The following GRK4 variants were observed in gnomAD, a reference collection of about 807,000 sequenced individuals.
The protein encoded by GRK4 is G protein-coupled receptor kinase 2-like.
Under a neutral mutation model 77.9 loss-of-function variants are expected in GRK4, and 73 were observed. The observed-to-expected ratio is 0.94, with a 90% CI of 0.78 to 1.14. The LOEUF (loss-of-function observed/expected upper bound fraction) is 1.14, where lower values mean the gene tolerates loss of function less well. GRK4 is among the 50% of genes most tolerant of loss of function. GRK4 has a pLI of 0.00. For synonymous variants in GRK4, 257 were observed against 254.4 expected, an observed-to-expected ratio of 1.01 and a Z score of -0.10; for missense variants, 729 against 700.2, an observed-to-expected ratio of 1.04 and a Z score of -0.46.
chr4:2,984,709 T>G, intron 2 of GRK4, 101 bp downstream of exon 2: 1 of 535,198 alleles, frequency 1.9e-6, no homozygotes. Context: ...TTCAAACATT[T>G]TATGATAAAT....
chr4:3,000,488 G>C (rs981746405), intron 4 of GRK4, among the ~76,000 whole-genome samples: 1 of 151,942 alleles, frequency 6.6e-6, no homozygotes, highest in Admixed American at 6.6e-5. Flanking sequence ...TCCAGTGCCT[G>C]GAACAATGCA....
At chr4:2,982,986 G>A (rs1305413095) in intron 1 of GRK4, among the ~76,000 whole-genome samples, 6 of 152,236 alleles carry the variant, frequency 3.9e-5, no homozygotes, top group Admixed American at 6.5e-5. Context: ...TGAGTCTAGG[G>A]TGAACATGTT....
intron 1 of GRK4, chr4:2,965,493 TC>T (rs1371895858): frequency 1.4e-6 from 1 of 702,458 alleles, no homozygotes; most frequent in African/African-American, 1.7e-5. Context: ...CGGACTGTGC[TC>T]CAGGACAGTG....
At position 2,985,518 on chromosome 4, in the gene GRK4, C is replaced by T. The variant is rs181450433; in HGVS notation, c.148+910C>T. Among the ~76,000 whole-genome samples, 579 of 149,150 alleles carry T rather than the reference C, an allele frequency of 3.9e-3. 1 individual carries two copies. Among genetic ancestry groups the T allele is most frequent in the Middle Eastern group, 7.0e-3 (2 of 286 alleles). On this transcript the variant is annotated intron_variant, in intron 2 of 15. Coordinates refer to ENST00000398052, the MANE Select transcript of GRK4 (RefSeq NM_182982.3). ...CCCAAGAGGTTGAGTCTAGCCTGGG[C>T]AACATAGTGAGACCTGTCTTGAGAA...
intron 3 of GRK4, among the ~76,000 whole-genome samples, chr4:2,990,161 T>G (rs751040238): frequency 6.6e-5 from 10 of 151,932 alleles, no homozygotes; most frequent in Non-Finnish European, 1.5e-4. Flanking sequence ...GCTGTTTTGT[T>G]GTTTGCTTCC....
chr4:3,033,418 T>A (rs1243145867), intron 12 of GRK4, among the ~76,000 whole-genome samples: 4 of 152,082 alleles, frequency 2.6e-5, no homozygotes, highest in Admixed American at 2.6e-4. Flanking sequence ...GGGATTAAGT[T>A]TCAGCTTACA....
intron 4 of GRK4, 26 bp from the exon 5 acceptor site, chr4:3,004,205 A>T: frequency 1.4e-6 from 2 of 1,421,196 alleles, no homozygotes; most frequent in Non-Finnish European, 2.0e-6. Context: ...ACTAATGGTT[A>T]TGTATTTGGT....
intron 1 of GRK4, chr4:2,965,732 A>C (rs1717446654): frequency 2.3e-6 from 1 of 431,230 alleles, no homozygotes; most frequent in Non-Finnish European, 4.3e-6. Flanking sequence ...ACCAACTCAC[A>C]CTATTTTGAA....
chr4:3,020,260 C>G (rs1735701499), intron 9 of GRK4, among the ~76,000 whole-genome samples: 2 of 152,148 alleles, frequency 1.3e-5, no homozygotes, highest in Admixed American at 1.3e-4. Flanking sequence ...CGGGCCTCAG[C>G]CTCCAAAAGT....
chr4:2,988,561 G>A (rs1725124496), intron 2 of GRK4, among the ~76,000 whole-genome samples, 166 bp from the exon 3 acceptor site: 2 of 128,624 alleles, frequency 1.6e-5, no homozygotes, highest in South Asian at 4.3e-4. Context: ...ACAGAGGAGG[G>A]AGACTGTCTG....
intron 8 of GRK4, among the ~76,000 whole-genome samples, chr4:3,018,740 T>G (rs113835883): frequency 2.0e-5 from 3 of 151,902 alleles, no homozygotes; most frequent in African/African-American, 7.3e-5. Flanking sequence ...TAGCCGGGCG[T>G]GGTGACAGGT....
intron 6 of GRK4, 36 bp downstream of exon 6, chr4:3,007,864 G>A (rs781029065): frequency 2.8e-6 from 4 of 1,426,434 alleles, no homozygotes; most frequent in Non-Finnish European, 3.9e-6. Flanking sequence ...AAAGCCAATT[G>A]AGGTGGCACA....
At chr4:3,024,443 T>G (rs942451125) in intron 10 of GRK4, among the ~76,000 whole-genome samples, 1 of 152,104 alleles carries the variant, frequency 6.6e-6, no homozygotes, top group Non-Finnish European at 1.5e-5. Context: ...TAAGGATATT[T>G]TAGTTGTTAC....
In GRK4 at chr4:2,992,273, A is replaced by G; in HGVS notation, c.320A>G (p.Asp107Gly). 6.2e-7 allele frequency: 1 copy of G among 1,605,504 alleles called. No individual in the cohort carries two copies. Among genetic ancestry groups the G allele is most frequent in the Non-Finnish European group, 8.5e-7 (1 of 1,172,444 alleles). ...AGTGATTGTGGACTGTCAATCTTAG[A>G]TAGATTCTTCAATGATAAGGTGTGT... is the stretch of plus-strand genomic sequence containing the variant. Reference protein sequence around the residue: ...DRSDCGLSILDRFFNDKLAAP... With the variant: ...DRSDCGLSILGRFFNDKLAAP... Residue 107 changes from aspartate (D) to glycine (G), a missense_variant, in exon 4 of 16, where the codon GAT (aspartate) becomes GGT (glycine). By Grantham distance (94) the Asp-to-Gly change is moderately conservative (BLOSUM62 -1). Transcript: ENST00000398052.
intron 1 of GRK4, among the ~76,000 whole-genome samples, chr4:2,974,235 G>C (rs1425001514): frequency 6.6e-6 from 1 of 151,970 alleles, no homozygotes; most frequent in East Asian, 1.9e-4. Context: ...TACTTTGTTC[G>C]TCGGGCTTTC....
rs775667979 is a variant in GRK4 at position 3,038,330 on chromosome 4, G to T, written c.1546-46G>T. 1.2e-5 allele frequency: 19 copies of T among 1,610,520 alleles called. No homozygotes were observed. In the Admixed American group the frequency reaches 3.0e-4, roughly 26 times the overall value. On this transcript the variant is annotated intron_variant, in intron 14 of 15. Coordinates refer to ENST00000398052, the MANE Select transcript of GRK4 (RefSeq NM_182982.3). ...GGCACTGGGAGACACCCACTGACCT[G>T]GCAGTTTCTCTGCGGCTTCTCTGTC...
chr4:3,021,921 G>A (rs1274671319), intron 9 of GRK4, among the ~76,000 whole-genome samples: 1 of 152,144 alleles, frequency 6.6e-6, no homozygotes, highest in Non-Finnish European at 1.5e-5. Flanking sequence ...GTGTCCACGG[G>A]ACTCACCATC....
At chr4:2,978,859 G>A (rs1441924686) in intron 1 of GRK4, among the ~76,000 whole-genome samples, 3 of 151,502 alleles carry the variant, frequency 2.0e-5, no homozygotes, top group African/African-American at 4.9e-5. Context: ...TTGGGAGGCC[G>A]AGGTGGGCGG....
At chr4:3,003,224 C>T (rs975180373) in intron 4 of GRK4, among the ~76,000 whole-genome samples, 2 of 152,180 alleles carry the variant, frequency 1.3e-5, no homozygotes, top group Non-Finnish European at 2.9e-5. Context: ...GAGTTTCGCT[C>T]TGTCGTCCAG....
Sources: gnomAD v4.1 joint callset for allele counts (sites outside exome capture counted in the v4.1 genomes callset) on GRCh38, gnomAD v4.1.1 for gene constraint, MANE v1.5 for transcripts, NCBI Gene and HGNC (gene_info 2026-07-23, HGNC 2026-07-21) for gene names.